The following EIF2AK3 variants were observed in gnomAD, a reference collection of about 807,000 sequenced individuals.
The protein encoded by EIF2AK3 is eukaryotic translation initiation factor 2 alpha kinase 3, also known as eukaryotic translation initiation factor 2-alpha kinase 3.
Under a neutral mutation model 113.5 loss-of-function variants are expected in EIF2AK3, and 50 were observed. The ratio of observed to expected loss-of-function variants is 0.44; its 90% CI spans 0.35 to 0.56. The LOEUF (loss-of-function observed/expected upper bound fraction) is 0.56. EIF2AK3 is among the 20% of genes least tolerant of loss of function. EIF2AK3 has a pLI of 0.00. For synonymous variants in EIF2AK3, 448 were observed against 495.4 expected, an observed-to-expected ratio of 0.90 and a Z score of 1.27; for missense variants, 1,185 against 1,378.0, an observed-to-expected ratio of 0.86 and a Z score of 2.22.
Position 88,585,964 on chromosome 2 carries a change from A to G in EIF2AK3, c.1527T>C (p.Asn509=). ...GAAGAACAGGATCCTTTTTGCGGATATTCTTGTTGTAATGTGGGTTGTCGA... is the reference window on the plus strand; with the variant it reads ...GAAGAACAGGATCCTTTTTGCGGATGTTCTTGTTGTAATGTGGGTTGTCGA... ...RFLDNPHYNK[N]IRKKDPVLLL... The change falls in exon 9 of 17, where the codon AAT becomes AAC. Residue 509 remains asparagine (N), a synonymous_variant. Coordinates refer to ENST00000303236, the MANE Select transcript of EIF2AK3 (RefSeq NM_004836.7). 1 of 1,614,112 alleles carries G rather than the reference A, an allele frequency of 6.2e-7. No homozygotes were observed. Among genetic ancestry groups the G allele is most frequent in the South Asian group, 1.1e-5 (1 of 91,082 alleles).
intron 2 of EIF2AK3, among the ~76,000 whole-genome samples, chr2:88,603,404 C>T (rs1336045368): frequency 6.6e-6 from 1 of 152,194 alleles, no homozygotes; most frequent in Admixed American, 6.5e-5. Flanking sequence ...TTCCAAGTTC[C>T]CCAGTTGACA....
At chr2:88,558,760 G>T (rs1336201947) in intron 16 of EIF2AK3, among the ~76,000 whole-genome samples, 157 bp downstream of exon 16, 1 of 152,180 alleles carries the variant, frequency 6.6e-6, no homozygotes, top group East Asian at 1.9e-4. Flanking sequence ...CCAGTGTTTG[G>T]TTTTAACAAA....
At chr2:88,573,802 T>C (rs1674379675) in intron 13 of EIF2AK3, among the ~76,000 whole-genome samples, 1 of 152,154 alleles carries the variant, frequency 6.6e-6, no homozygotes, top group Non-Finnish European at 1.5e-5. Flanking sequence ...CTGAAACAAG[T>C]CTGTTTTAAG....
At chr2:88,572,160 C>A (rs968818146) in intron 13 of EIF2AK3, among the ~76,000 whole-genome samples, 1 of 152,210 alleles carries the variant, frequency 6.6e-6, no homozygotes, top group South Asian at 2.1e-4. Context: ...TGGTAATAAT[C>A]TGCAGCTCTC....
chr2:88,570,511 A>G (rs1000536692), intron 14 of EIF2AK3, among the ~76,000 whole-genome samples: 2 of 152,226 alleles, frequency 1.3e-5, no homozygotes, highest in African/African-American at 4.8e-5. Flanking sequence ...GCAGCTCAGT[A>G]TAGTACCTCT....
rs139833535 is a variant in EIF2AK3 at position 88,613,311 on chromosome 2, T to G, written c.438+413A>C. Among the ~76,000 whole-genome samples, 132 of 152,344 alleles carry G rather than the reference T, an allele frequency of 8.7e-4. 1 individual carries two copies. In the East Asian group the frequency reaches 0.021, roughly 25 times the overall value. ...ATTTCAGATGAATTCTGCTTATAAT[T>G]AGGGAATAATAATTTATGGGATTTT... On this transcript the variant is annotated intron_variant, in intron 2 of 16. Coordinates refer to ENST00000303236, the MANE Select transcript of EIF2AK3 (RefSeq NM_004836.7).
At chr2:88,610,778 T>A (rs1332920632) in intron 2 of EIF2AK3, among the ~76,000 whole-genome samples, 1 of 152,206 alleles carries the variant, frequency 6.6e-6, no homozygotes, top group East Asian at 1.9e-4. Flanking sequence ...TGTTTTAGGC[T>A]GGTCGTGGTG....
intron 1 of EIF2AK3, among the ~76,000 whole-genome samples, chr2:88,621,990 G>A (rs962712104): frequency 6.7e-6 from 1 of 148,516 alleles, no homozygotes; most frequent in Admixed American, 6.8e-5. Flanking sequence ...TCTGCATCCC[G>A]GGTTCAATTG....
intron 15 of EIF2AK3, among the ~76,000 whole-genome samples, chr2:88,560,232 A>G (rs1673913088): frequency 6.6e-6 from 1 of 152,092 alleles, no homozygotes. Flanking sequence ...ATCTTTTCAC[A>G]TGCTTATTGG....
intron 14 of EIF2AK3, 48 bp downstream of exon 14, chr2:88,570,826 C>A (rs1460337759): frequency 1.2e-6 from 2 of 1,604,526 alleles, no homozygotes; most frequent in South Asian, 2.2e-5. Flanking sequence ...AGAGATTCAT[C>A]AGGTACATCT....
intron 1 of EIF2AK3, among the ~76,000 whole-genome samples, chr2:88,621,546 G>A (rs910884868): frequency 6.6e-6 from 1 of 152,114 alleles, no homozygotes. Context: ...TTTTTTTGGC[G>A]TAGCTGAGAA....
At chr2:88,594,010 C>A in intron 3 of EIF2AK3, 1 of 943,246 alleles carries the variant, frequency 1.1e-6, no homozygotes, top group Non-Finnish European at 1.3e-6. Flanking sequence ...CCGAAGTAAA[C>A]AGAGATTGAA....
At position 88,618,006 on chromosome 2, in the gene EIF2AK3, C is replaced by T. The variant is rs550809105; in HGVS notation, c.309-4153G>A. ...GACCAGCCTATGCAACATACTGAGA[C>T]TCCAAATGTACAAAAATACTTTAAA... On this transcript the variant is annotated intron_variant, in intron 1 of 16. Coordinates refer to ENST00000303236, the MANE Select transcript of EIF2AK3 (RefSeq NM_004836.7). Among the ~76,000 whole-genome samples, 7 of 152,218 alleles carry T rather than the reference C, an allele frequency of 4.6e-5. No homozygotes were observed. The East Asian group carries it at 9.7e-4, about 21-fold the overall frequency.
chr2:88,593,397 A>G lies in EIF2AK3; in HGVS notation c.642T>C (p.Tyr214=), dbSNP rs756945492. The G allele has an allele frequency of 1.2e-6, 2 of 1,614,080 alleles. No homozygotes were observed. The highest frequency in any genetic ancestry group is 1.7e-6 in the Non-Finnish European group (2 of 1,179,960). ...GGCGACAACCCAGAGCTGAACAGAT[A>G]TACCTCACCTGAAAAGACAAAATTA... ...GLSAYSGKVR[Y]ICSALGCRQW... The change falls in exon 4 of 17, where the codon TAT becomes TAC. Residue 214 remains tyrosine (Y), a synonymous_variant. Coordinates refer to ENST00000303236, the MANE Select transcript of EIF2AK3 (RefSeq NM_004836.7).
chr2:88,606,493 T>C (rs1675282908), intron 2 of EIF2AK3, among the ~76,000 whole-genome samples: 1 of 152,310 alleles, frequency 6.6e-6, no homozygotes, highest in African/African-American at 2.4e-5. Context: ...CAGGCAATTA[T>C]TTAAATATTG....
chr2:88,608,309 C>G (rs1446520278), intron 2 of EIF2AK3, among the ~76,000 whole-genome samples: 1 of 152,024 alleles, frequency 6.6e-6, no homozygotes, highest in Non-Finnish European at 1.5e-5. Context: ...TCAACTGGGC[C>G]CAGCCTCCTG....
intron 14 of EIF2AK3, among the ~76,000 whole-genome samples, chr2:88,564,029 A>T (rs937218994): frequency 5.3e-5 from 8 of 152,176 alleles, no homozygotes; most frequent in Non-Finnish European, 8.8e-5. Context: ...AAACATATTT[A>T]AAAAAAGAAA....
At chr2:88,569,367 A>T (rs1573388525) in intron 14 of EIF2AK3, among the ~76,000 whole-genome samples, 1 of 150,666 alleles carries the variant, frequency 6.6e-6, no homozygotes, top group South Asian at 2.1e-4. Flanking sequence ...TTTTTTTTTT[A>T]AAGAGAAAAA....
intron 14 of EIF2AK3, among the ~76,000 whole-genome samples, chr2:88,563,218 G>A (rs1674011401): frequency 6.6e-6 from 1 of 152,196 alleles, no homozygotes; most frequent in African/African-American, 2.4e-5. Context: ...GGGAAGTAGA[G>A]GTGGTCACAG....
Sources: gnomAD v4.1 joint callset for allele counts (sites outside exome capture counted in the v4.1 genomes callset) on GRCh38, gnomAD v4.1.1 for gene constraint, MANE v1.5 for transcripts, NCBI Gene and HGNC (gene_info 2026-07-23, HGNC 2026-07-21) for gene names.